MTHFD1L: variants seen among roughly 807,000 people sequenced by gnomAD.
The protein encoded by MTHFD1L is monofunctional C1-tetrahydrofolate synthase, mitochondrial.
Under a neutral mutation model 119.5 loss-of-function variants are expected in MTHFD1L, and 81 were observed. That is an observed-to-expected ratio of 0.68 (90% CI 0.57 to 0.82). The LOEUF (loss-of-function observed/expected upper bound fraction) is 0.82. Among genes scored for constraint, MTHFD1L ranks in the 40% least tolerant of loss-of-function variants. The pLI is 0.00. For synonymous variants in MTHFD1L, 430 were observed against 475.2 expected, an observed-to-expected ratio of 0.90 and a Z score of 1.24; for missense variants, 1,125 against 1,253.4, an observed-to-expected ratio of 0.90 and a Z score of 1.55.
chr6:150,980,584 A>G (rs1777318165), intron 20 of MTHFD1L, among the ~76,000 whole-genome samples: 2 of 151,854 alleles, frequency 1.3e-5, no homozygotes, highest in South Asian at 2.1e-4. Context: ...GTTTTTTTAA[A>G]GAGATACGTT....
chr6:151,077,827 G>T (rs1305996957), intron 26 of MTHFD1L, among the ~76,000 whole-genome samples: 3 of 152,058 alleles, frequency 2.0e-5, no homozygotes. Context: ...ACTTTGGAAG[G>T]CCGAGGCGGG....
intron 26 of MTHFD1L, among the ~76,000 whole-genome samples, chr6:151,052,312 G>A (rs1376525612): frequency 2.6e-5 from 4 of 152,166 alleles, no homozygotes; most frequent in Non-Finnish European, 4.4e-5. Context: ...TTTCCATCCA[G>A]TTCAAAACAT....
chr6:150,886,805 A>G (rs1053682230), intron 6 of MTHFD1L, among the ~76,000 whole-genome samples: 3 of 151,950 alleles, frequency 2.0e-5, no homozygotes, highest in African/African-American at 7.3e-5. Context: ...CTTGGGGAAC[A>G]TAGGGAGACT....
chr6:150,966,759 G>T (rs1489817634), intron 19 of MTHFD1L, among the ~76,000 whole-genome samples: 1 of 152,214 alleles, frequency 6.6e-6, no homozygotes, highest in East Asian at 1.9e-4. Context: ...AGGAGGCGAA[G>T]ATTACAGTGA....
chr6:151,082,976 A>G (rs1392276172), intron 26 of MTHFD1L, among the ~76,000 whole-genome samples: 1 of 152,134 alleles, frequency 6.6e-6, no homozygotes, highest in East Asian at 1.9e-4. Context: ...GGTCCCCAGT[A>G]GAACCTTTGC....
intron 25 of MTHFD1L, among the ~76,000 whole-genome samples, chr6:151,035,459 T>TG (rs752499586): frequency 2.4e-4 from 36 of 152,236 alleles, no homozygotes; most frequent in Non-Finnish European, 3.7e-4. Context: ...ATGCTGCCGT[T>TG]GCCAGCCAGG....
chr6:150,955,585 C>T (rs992147339), intron 16 of MTHFD1L, among the ~76,000 whole-genome samples: 6 of 151,118 alleles, frequency 4.0e-5, no homozygotes, highest in Non-Finnish European at 8.8e-5. Context: ...CTGCAACCTC[C>T]GCCTCCCAGG....
chr6:150,959,358 GA>G (rs1462067141), intron 17 of MTHFD1L: 6 of 238,684 alleles, frequency 2.5e-5, no homozygotes, highest in Non-Finnish European at 4.1e-5. Context: ...TTGGGAAGAA[GA>G]GAATTAAGCT....
At chr6:150,973,689 G>A (rs1455871301) in intron 20 of MTHFD1L, among the ~76,000 whole-genome samples, 1 of 152,174 alleles carries the variant, frequency 6.6e-6, no homozygotes, top group East Asian at 1.9e-4. Context: ...ATAAACTGAT[G>A]ATGTATGCAA....
intron 20 of MTHFD1L, among the ~76,000 whole-genome samples, chr6:150,973,607 C>T (rs1583888450): frequency 2.0e-5 from 3 of 152,170 alleles, no homozygotes; most frequent in South Asian, 2.1e-4. Flanking sequence ...GATCTCTGCC[C>T]ATACCAGTTC....
Position 150,865,864 on chromosome 6 carries a change from C to T in MTHFD1L, c.42C>T (p.Arg14=). The change falls in exon 1 of 28, where the codon CGC becomes CGT. Residue 14 remains arginine, a synonymous_variant. Transcript: ENST00000367321. ...RLPLVLRQLR[R]PPQPPGPPRR... Reference sequence around the variant, plus strand: ...CGCTCGTCCTGCGCCAGCTCCGCCGCCCGCCCCAGCCCCCGGGCCCTCCGC... The same window carrying T: ...CGCTCGTCCTGCGCCAGCTCCGCCGTCCGCCCCAGCCCCCGGGCCCTCCGC... 5.8e-6 allele frequency: 7 copies of T among 1,210,022 alleles called. No homozygotes were observed. Among genetic ancestry groups the T allele is most frequent in the Non-Finnish European group, 7.2e-6 (7 of 975,302 alleles). 75.0% of individuals were successfully genotyped at this position (1,210,022 alleles called of 1,614,324 possible).
intron 11 of MTHFD1L, among the ~76,000 whole-genome samples, chr6:150,930,251 A>G (rs1790802413): frequency 6.6e-6 from 1 of 152,138 alleles, no homozygotes; most frequent in Non-Finnish European, 1.5e-5. Context: ...ATACAAACAA[A>G]CAGCAAAAAG....
At chr6:150,882,238 A>G (rs1318846513) in intron 4 of MTHFD1L, among the ~76,000 whole-genome samples, 1 of 152,210 alleles carries the variant, frequency 6.6e-6, no homozygotes, top group Non-Finnish European at 1.5e-5. Context: ...CTTGTGTGTC[A>G]TTGAGGTCCA....
intron 27 of MTHFD1L, among the ~76,000 whole-genome samples, chr6:151,094,145 A>C (rs1481300798): frequency 3.9e-5 from 6 of 152,110 alleles, no homozygotes; most frequent in Non-Finnish European, 8.8e-5. Flanking sequence ...CTAAAGACAC[A>C]TTCTTTCCCC....
At position 151,092,607 on chromosome 6, in the gene MTHFD1L, C is replaced by G. The variant is rs756149678; in HGVS notation, c.*31+20C>G. ...ATGCAGGTAGGCTGATGTGCTTCAA[C>G]TTTTTCTCTCTTTGTTTTTTTCCAG... is the stretch of plus-strand genomic sequence containing the variant. On this transcript the variant is annotated intron_variant, in intron 27 of 27. Transcript: ENST00000367321. 30 of 1,447,250 alleles carry G rather than the reference C, an allele frequency of 2.1e-5. No homozygotes were observed. The highest frequency in any genetic ancestry group is 2.8e-5 in the Non-Finnish European group (29 of 1,048,562). 89.7% of individuals were successfully genotyped at this position (1,447,250 alleles called of 1,614,324 possible).
chr6:151,049,078 G>A (rs781212198), intron 26 of MTHFD1L, among the ~76,000 whole-genome samples: 4 of 152,268 alleles, frequency 2.6e-5, no homozygotes, highest in East Asian at 3.9e-4. Flanking sequence ...ATTCACAGCC[G>A]GGCACGGTGG....
chr6:150,937,441 T>G (rs1415215277), intron 12 of MTHFD1L, among the ~76,000 whole-genome samples: 3 of 152,222 alleles, frequency 2.0e-5, no homozygotes, highest in African/African-American at 7.2e-5. Flanking sequence ...TCCCCATTCA[T>G]TACTCTTTCT....
At chr6:150,979,046 C>A (rs896389010) in intron 20 of MTHFD1L, among the ~76,000 whole-genome samples, 1 of 152,136 alleles carries the variant, frequency 6.6e-6, no homozygotes, top group East Asian at 1.9e-4. Flanking sequence ...TCGAGACTAG[C>A]CTGACCAACA....
intron 20 of MTHFD1L, among the ~76,000 whole-genome samples, chr6:150,981,819 C>G (rs1369816426): frequency 6.6e-6 from 1 of 152,226 alleles, no homozygotes; most frequent in Non-Finnish European, 1.5e-5. Context: ...GGCACAGTGG[C>G]TCATGCCTGT....
Sources: gnomAD v4.1 joint callset for allele counts (sites outside exome capture counted in the v4.1 genomes callset) on GRCh38, gnomAD v4.1.1 for gene constraint, MANE v1.5 for transcripts, NCBI Gene and HGNC (gene_info 2026-07-23, HGNC 2026-07-21) for gene names.